Variants in SASH1 observed in about 807,000 individuals in gnomAD.
SASH1 encodes the protein SAM and SH3 domain containing 1.
In SASH1, 44 loss-of-function variants were observed where a neutral mutation model predicts 125.2. The ratio of observed to expected loss-of-function variants is 0.35; its 90% confidence interval spans 0.28 to 0.45. SASH1 has a LOEUF of 0.45. SASH1 is among the 20% of genes least tolerant of loss of function. The pLI, the probability that SASH1 is intolerant of heterozygous loss-of-function variation, is 1.00. For synonymous variants in SASH1, 639 were observed against 649.1 expected (o/e 0.98, Z 0.24); for missense variants, 1,426 against 1,614.5 (o/e 0.88, Z 2.00).
intron 2 of SASH1, among the ~76,000 whole-genome samples, chr6:148,426,547 T>A (rs889292736): frequency 1.3e-5 from 2 of 152,210 alleles, no homozygotes; most frequent in Non-Finnish European, 2.9e-5. Context: ...AGATGTCATG[T>A]GCCTGGTGCC....
At chr6:148,328,336 C>T (rs1460066652) in intron 1 of SASH1, among the ~76,000 whole-genome samples, 18 of 152,272 alleles carry the variant, frequency 1.2e-4, no homozygotes, top group Admixed American at 6.5e-5. Context: ...CGGTGGCTCA[C>T]GCCTGTAATC....
At chr6:148,275,177 AACT>A (rs1417276356) in intron 1 of SASH1, among the ~76,000 whole-genome samples, 1 of 152,236 alleles carries the variant, frequency 6.6e-6, no homozygotes, top group Admixed American at 6.5e-5. Flanking sequence ...GGGAAGAAAG[AACT>A]TGCGTCATAT....
chr6:148,467,493 A>G (rs1777900533), intron 4 of SASH1, among the ~76,000 whole-genome samples: 1 of 152,156 alleles, frequency 6.6e-6, no homozygotes, highest in Non-Finnish European at 1.5e-5. Flanking sequence ...ATTTGGGTTA[A>G]TCTGTATCTG....
chr6:148,365,441 G>T (rs1260598225), intron 1 of SASH1, among the ~76,000 whole-genome samples: 1 of 147,080 alleles, frequency 6.8e-6, no homozygotes, highest in Non-Finnish European at 1.5e-5. Flanking sequence ...GAGACATCTT[G>T]CAGGGCACAG....
chr6:148,470,352 T>G (rs1186528330), intron 5 of SASH1, among the ~76,000 whole-genome samples: 1 of 152,194 alleles, frequency 6.6e-6, no homozygotes, highest in African/African-American at 2.4e-5. Flanking sequence ...TCTGCTTCAT[T>G]GCTTGGCACC....
chr6:148,527,715 C>T, intron 12 of SASH1, 119 bp downstream of exon 12: 1 of 951,904 alleles, frequency 1.1e-6, no homozygotes, highest in East Asian at 2.6e-5. Context: ...TAACCTGCTC[C>T]AAGTCCGTGC....
At chr6:148,250,880 C>T in the SASH1 span, among the ~76,000 whole-genome samples, 1 of 152,158 alleles carries the variant, frequency 6.6e-6, no homozygotes, top group Non-Finnish European at 1.5e-5. Flanking sequence ...AAGAAAAGCT[C>T]ATTACCAAAT....
intron 11 of SASH1, 66 bp downstream of exon 11, chr6:148,525,431 T>C (rs1781087035): frequency 3.3e-6 from 4 of 1,205,732 alleles, no homozygotes; most frequent in Non-Finnish European, 3.7e-6. Flanking sequence ...TAGTTCACCA[T>C]TGAGTATCTT....
At chr6:148,199,946 G>A in the SASH1 span, among the ~76,000 whole-genome samples, 3 of 152,128 alleles carry the variant, frequency 2.0e-5, no homozygotes, top group Non-Finnish European at 4.4e-5. Context: ...AATATCAACT[G>A]AGGGATATTG....
At chr6:148,407,848 G>T (rs1401338681) in intron 2 of SASH1, among the ~76,000 whole-genome samples, 1 of 152,020 alleles carries the variant, frequency 6.6e-6, no homozygotes, top group Non-Finnish European at 1.5e-5. Context: ...AGCCAGGCTG[G>T]TCTCAAACTC....
chr6:148,214,921 C>T, the SASH1 span, among the ~76,000 whole-genome samples: 2 of 152,222 alleles, frequency 1.3e-5, no homozygotes, highest in African/African-American at 4.8e-5. Context: ...CACCTGCTTG[C>T]ACTCTGGGGC....
chr6:148,476,401 A>G (rs1200300175), intron 7 of SASH1, among the ~76,000 whole-genome samples: 1 of 152,114 alleles, frequency 6.6e-6, no homozygotes, highest in Non-Finnish European at 1.5e-5. Context: ...AATACCAGTG[A>G]CATGCTTCAC....
At chr6:148,537,776 C>CTGTGTG (rs55644027) in intron 16 of SASH1, among the ~76,000 whole-genome samples, 5,586 of 125,438 alleles carry the variant, frequency 0.045, 145 homozygotes, top group Non-Finnish European at 0.055. Flanking sequence ...TTAGCATATT[C>CTGTGTG]TGTGTGTGTG....
At chr6:148,340,936 G>A (rs1233736346), upstream of SASH1, among the ~76,000 whole-genome samples, 1 of 152,148 alleles carries the variant, frequency 6.6e-6, no homozygotes, top group Non-Finnish European at 1.5e-5. Context: ...AGGAGTTTGA[G>A]ACCACCTTGG....
At chr6:148,286,072 C>A (rs12529523) in intron 1 of SASH1, among the ~76,000 whole-genome samples, 5,214 of 152,048 alleles carry the variant, frequency 0.034, 206 homozygotes, top group Admixed American at 0.092. Flanking sequence ...AAAAAGTGCC[C>A]ACATGCACAT....
chr6:148,358,480 C>T (rs904004120), intron 1 of SASH1, among the ~76,000 whole-genome samples: 12 of 152,158 alleles, frequency 7.9e-5, no homozygotes, highest in Non-Finnish European at 1.3e-4. Flanking sequence ...TAGTGACACA[C>T]TACCTTCTGG....
At chr6:148,197,780 G>A in the SASH1 span, among the ~76,000 whole-genome samples, 1 of 152,114 alleles carries the variant, frequency 6.6e-6, no homozygotes, top group East Asian at 1.9e-4. Flanking sequence ...GTAGGTGATT[G>A]GATCATAGGG....
At chr6:148,360,637 C>CG (rs779241494) in intron 1 of SASH1, among the ~76,000 whole-genome samples, 1 of 18,822 alleles carries the variant, frequency 5.3e-5, no homozygotes, top group Non-Finnish European at 1.0e-4. Flanking sequence ...GCGTGAGCCA[C>CG]CCCCCCGCCA....
At chr6:148,536,174 AG>A (rs1781833882) in intron 16 of SASH1, among the ~76,000 whole-genome samples, 1 of 152,210 alleles carries the variant, frequency 6.6e-6, no homozygotes, top group Non-Finnish European at 1.5e-5. Context: ...GTCTGTGGCC[AG>A]GTTGCGTGTA....
Sources: allele counts gnomAD v4.1 joint callset (sites outside exome capture counted in the v4.1 genomes callset), GRCh38; gene constraint gnomAD v4.1.1; transcripts MANE v1.5; gene names NCBI Gene and HGNC (gene_info 2026-07-23, HGNC 2026-07-21).